The following MCF2L variants were observed in gnomAD, a reference collection of about 807,000 sequenced individuals.
MCF2L encodes the protein MCF.2 cell line derived transforming sequence like.
MCF2L carries 97 observed loss-of-function variants against 153.4 expected under a neutral mutation model. The ratio of observed to expected loss-of-function variants is 0.63; its 90% confidence interval spans 0.54 to 0.75. The LOEUF (loss-of-function observed/expected upper bound fraction) is 0.75. Ranked by LOEUF, MCF2L falls within the 30% of genes least tolerant of loss-of-function variation. MCF2L has a pLI of 0.00. For missense variants in MCF2L, 1,347 were observed against 1,495.2 expected (o/e 0.90, Z 1.64); for synonymous variants, 659 against 632.2 (o/e 1.04, Z -0.64).
At chr13:113,087,974 G>A (rs1054869607) in intron 23 of MCF2L, among the ~76,000 whole-genome samples, 175 bp downstream of exon 23, 6 of 152,240 alleles carry the variant, frequency 3.9e-5, no homozygotes, top group African/African-American at 1.4e-4. Flanking sequence ...TGAAATGTGG[G>A]GAAAAGTACA....
rs1421973595 is a variant in MCF2L, at chr13:112,969,374, C to T, written c.-6C>T. The T allele has an allele frequency of 6.5e-7, 1 of 1,550,080 alleles. No individual in the cohort carries two copies. The highest frequency in any genetic ancestry group is 2.0e-5 in the Admixed American group (1 of 51,004). On this transcript the variant is annotated 5_prime_UTR_variant, in exon 1 of 30. Coordinates refer to ENST00000535094, the MANE Select transcript of MCF2L (RefSeq NM_001112732.3). The surrounding 1 kb of genome is among the most constrained non-coding windows in gnomAD (Gnocchi z 4.8). Reference sequence around the variant, plus strand: ...TCTGCCAGGATCATTTTTGTTGTGTCGGAGGATGAGGTTTTGGCTGAGGAC... The same window carrying T: ...TCTGCCAGGATCATTTTTGTTGTGTTGGAGGATGAGGTTTTGGCTGAGGAC...
At chr13:113,077,337 C>T in intron 13 of MCF2L, 126 bp downstream of exon 13, 1 of 1,115,026 alleles carries the variant, frequency 9.0e-7, no homozygotes, top group African/African-American at 1.6e-5. Flanking sequence ...TCCCCTTCCA[C>T]CTCCGGGCCC....
At chr13:112,899,193 G>A (rs1015412598) in intron 1 of MCF2L, among the ~76,000 whole-genome samples, 1 of 152,238 alleles carries the variant, frequency 6.6e-6, no homozygotes, top group African/African-American at 2.4e-5. Context: ...AGCCGCCTGT[G>A]ACCGTGTCTG....
At chr13:113,062,538 A>G (rs562295012) in intron 5 of MCF2L, among the ~76,000 whole-genome samples, 2 of 152,178 alleles carry the variant, frequency 1.3e-5, no homozygotes, top group South Asian at 4.2e-4. Context: ...TCCATGCCAC[A>G]GGCTCCCCTG....
chr13:112,993,506 C>T lies in MCF2L; in HGVS notation c.80-21257C>T, dbSNP rs1450598309. 1.3e-5 allele frequency among the ~76,000 whole-genome samples: 2 copies of T among 151,850 alleles called. No homozygotes were observed. Among genetic ancestry groups the T allele is most frequent in the Non-Finnish European group, 2.9e-5 (2 of 67,986 alleles). ...ACAAGTGGCTTAGGACCACCCTAGT[C>T]GTTCAGGCGTGGGATGAGGCTCCAG... On this transcript the variant is annotated intron_variant, in intron 1 of 29. Coordinates refer to ENST00000535094, the MANE Select transcript of MCF2L (RefSeq NM_001112732.3). This position sits in a 1 kb window ranked among gnomAD's most constrained non-coding sequence, Gnocchi z 4.6.
At chr13:113,087,644 T>G (rs1448138967) in intron 22 of MCF2L, 63 bp from the exon 23 acceptor site, 16 of 1,432,078 alleles carry the variant, frequency 1.1e-5, no homozygotes, top group Non-Finnish European at 1.4e-5. Context: ...CACCAACACC[T>G]TTTAAAAACA....
At chr13:113,089,320 T>C (rs4274332) in intron 25 of MCF2L, among the ~76,000 whole-genome samples, 502 of 18,200 alleles carry the variant, frequency 0.028, 20 homozygotes, top group Non-Finnish European at 0.029. Flanking sequence ...CCAGCCCGTC[T>C]GGGTTTAACT....
chr13:113,085,495 C>T lies in MCF2L; in HGVS notation c.2247+317C>T, dbSNP rs545891446. On this transcript the variant is annotated intron_variant, in intron 20 of 29. Transcript: ENST00000535094. ...CGGATTATCTGGCACACAGCAGGGA[C>T]GTGGGGCGGCCTAGACTGGGGATTC... Among the ~76,000 whole-genome samples the T allele has an allele frequency of 6.9e-4, 105 of 152,294 alleles. 2 individuals are homozygous for T. In the Middle Eastern group the frequency reaches 0.01, roughly 15 times the overall value.
intron 2 of MCF2L, among the ~76,000 whole-genome samples, chr13:112,920,348 G>A (rs1433404856): frequency 6.6e-6 from 1 of 152,180 alleles, no homozygotes; most frequent in Non-Finnish European, 1.5e-5. Flanking sequence ...GCTATGAAGA[G>A]TGATGTCTGT....
At chr13:112,952,472 G>A (rs748615250) in intron 2 of MCF2L, among the ~76,000 whole-genome samples, 8 of 152,188 alleles carry the variant, frequency 5.3e-5, no homozygotes, top group South Asian at 2.1e-4. Flanking sequence ...AGGAATCTCC[G>A]TTTTCTTCAA....
At chr13:112,954,113 G>A (rs1353379458) in intron 2 of MCF2L, among the ~76,000 whole-genome samples, 1 of 152,198 alleles carries the variant, frequency 6.6e-6, no homozygotes. Context: ...CACTCATCCT[G>A]GGACTTGCTA....
rs767276869 is a variant in MCF2L at position 113,064,330 on chromosome 13, C to T, written c.516C>T (p.Asp172=). The stretch of plus-strand genomic sequence containing the variant: ...TCATAATGCTGAGCTCCGTACCAGA[C>T]TTACACGGTTACATCGATAAGTCGC... ...VPVIMLSSVP[D]LHGYIDKSQL... is the part of the protein sequence containing the mutation. The change falls in exon 6 of 30, where the codon GAC becomes GAT. Residue 172 remains aspartate (D), a synonymous_variant. Transcript: ENST00000535094. This position sits in a 1 kb window ranked among gnomAD's most constrained non-coding sequence, Gnocchi z 6.0. The T allele has an allele frequency of 6.2e-7, 1 of 1,612,994 alleles. No homozygotes were observed. Among genetic ancestry groups the T allele is most frequent in the Non-Finnish European group, 8.5e-7 (1 of 1,179,874 alleles).
At chr13:112,922,319 C>T (rs954175045) in intron 2 of MCF2L, among the ~76,000 whole-genome samples, 1 of 152,232 alleles carries the variant, frequency 6.6e-6, no homozygotes. Context: ...CACAGAACGT[C>T]TTCCAGATCT....
At position 112,931,021 on chromosome 13, in the gene MCF2L, C is replaced by G. The variant is rs9604005; in HGVS notation, c.169+28650C>G. On this transcript the variant is annotated intron_variant, in intron 2 of 29. Coordinates refer to the MCF2L transcript ENST00000375608. ...GCAGGAACCAGGAGACACAAGCCAG[C>G]TTTACTGGAGCGTGTTAGAGCCAGG... 1.5e-3 allele frequency among the ~76,000 whole-genome samples: 223 copies of G among 152,330 alleles called. 1 individual carries two copies. Among genetic ancestry groups the G allele is most frequent in the African/African-American group, 4.2e-3 (176 of 41,576 alleles).
At chr13:112,952,696 G>A (rs2081708223) in intron 2 of MCF2L, among the ~76,000 whole-genome samples, 1 of 152,188 alleles carries the variant, frequency 6.6e-6, no homozygotes, top group African/African-American at 2.4e-5. Context: ...TCTAAACAGG[G>A]CAATGAACAC....
intron 2 of MCF2L, chr13:112,958,283 C>T (rs1165289714): frequency 6.6e-6 from 1 of 152,250 alleles, no homozygotes; most frequent in Non-Finnish European, 1.5e-5. Flanking sequence ...GCATGTCTGA[C>T]CTCAGTAGTG....
chr13:112,914,072 C>G (rs536334013), intron 2 of MCF2L, among the ~76,000 whole-genome samples: 64 of 152,278 alleles, frequency 4.2e-4, no homozygotes, highest in Non-Finnish European at 8.4e-4. Flanking sequence ...TTTTTCCTTT[C>G]TTCCCTGTTT....
At position 113,031,189 on chromosome 13, in the gene MCF2L, G is replaced by GAC. The variant is rs201354310; in HGVS notation, c.278+6432_278+6433insCA. Among the ~76,000 whole-genome samples the GAC allele has an allele frequency of 6.2e-3, 928 of 148,648 alleles. 11 individuals are homozygous for GAC. Among genetic ancestry groups the GAC allele is most frequent in the African/African-American group, 0.022 (864 of 38,754 alleles). ...AGACAGAGAGTGACAGACAGAGACA[G>GAC]AGAGACAGAGACAGACAGAGACAGA... On this transcript the variant is annotated intron_variant, in intron 3 of 29. Transcript: ENST00000535094. This position sits in a 1 kb window ranked among gnomAD's most constrained non-coding sequence, Gnocchi z 5.5.
rs369640269 is a variant in MCF2L, at chr13:113,065,058, G to T, written c.729G>T (p.Ala243=). ...AGTCGACAAGCTCAGTGCTGTGTGC[G>T]CACACAGAGAAGAAGGACAAGGCGA... is the stretch of plus-strand genomic sequence containing the variant. ...DVQSTSSVLC[A]HTEKKDKAKE... is the part of the protein sequence containing the mutation. Residue 243 remains alanine, a synonymous_variant, in exon 7 of 30, where the codon GCG becomes GCT. Transcript: ENST00000535094. 3 of 1,610,926 alleles carry T rather than the reference G, an allele frequency of 1.9e-6. 1 individual carries two copies. Among genetic ancestry groups the T allele is most frequent in the South Asian group, 2.2e-5 (2 of 91,002 alleles).
Sources: allele counts gnomAD v4.1 joint callset (sites outside exome capture counted in the v4.1 genomes callset), GRCh38; gene constraint gnomAD v4.1.1; non-coding constraint Gnocchi (gnomAD v3.1); transcripts MANE v1.5; gene names NCBI Gene and HGNC (gene_info 2026-07-23, HGNC 2026-07-21).